PRPF8: variants seen among roughly 807,000 people sequenced by gnomAD.
PRPF8 encodes the protein pre-mRNA-processing-splicing factor 8.
PRPF8 carries 64 observed loss-of-function variants against 285.9 expected under a neutral mutation model. That is an observed-to-expected ratio of 0.22 (90% confidence interval 0.18 to 0.28). The LOEUF (loss-of-function observed/expected upper bound fraction) is 0.28, where lower values mean the gene tolerates loss of function less well. Ranked by LOEUF, PRPF8 falls within the 10% of genes least tolerant of loss-of-function variation. The pLI is 1.00. For missense variants in PRPF8, 1,426 were observed against 3,026.7 expected, an observed-to-expected ratio of 0.47 and a Z score of 12.41; for synonymous variants, 1,325 against 1,118.2, an observed-to-expected ratio of 1.18 and a Z score of -3.69.
rs1295214130 is a variant in PRPF8 at position 1,684,583 on chromosome 17, C to A, written c.-11-1G>T. ...AACACTCCGGCCATATCCGGAGAAT[C>A]TGGGGAGCGGCGGGATAGAAAAATT... On this transcript the variant is annotated splice_acceptor_variant, in intron 1 of 42. Transcript: ENST00000304992. LOFTEE classifies it low-confidence loss of function (5UTR_SPLICE). The A allele has an allele frequency of 6.2e-7, 1 of 1,612,118 alleles. No individual in the cohort carries two copies. Among genetic ancestry groups the A allele is most frequent in the Non-Finnish European group, 8.5e-7 (1 of 1,179,710 alleles).
At position 1,655,556 on chromosome 17, in the gene PRPF8, T is replaced by A. The variant is rs750212187; in HGVS notation, c.5794-13A>T. ...GACGGGAGAAGGCCTGGGAAAAGAT[T>A]TGGAAGAGTGGGGTAGGTCAGCTGC... On this transcript the variant is annotated splice_polypyrimidine_tract_variant and intron_variant, in intron 36 of 42. Transcript: ENST00000304992. The A allele has an allele frequency of 1.2e-6, 2 of 1,603,824 alleles. No individual in the cohort carries two copies. Among genetic ancestry groups the A allele is most frequent in the Non-Finnish European group, 8.5e-7 (1 of 1,170,650 alleles).
intron 13 of PRPF8, chr17:1,678,298 G>A (rs1426627147): frequency 3.6e-6 from 2 of 562,958 alleles, no homozygotes; most frequent in African/African-American, 1.9e-5. Context: ...TGGGGCAACA[G>A]AGAAAGACTC....
Position 1,651,378 on chromosome 17 carries a change from C to T in PRPF8, c.6650+36G>A, listed in dbSNP as rs1291755979. On this transcript the variant is annotated intron_variant, in intron 41 of 42. Transcript: ENST00000304992. This position sits in a 1 kb window ranked among gnomAD's most constrained non-coding sequence, Gnocchi z 5.1. Reference sequence around the variant, plus strand: ...TCTGGGCCCTGGCCTGCAATCCCTGCCCCACCATACTTCCTCCCAAGGAGC... The same window carrying T: ...TCTGGGCCCTGGCCTGCAATCCCTGTCCCACCATACTTCCTCCCAAGGAGC... 1.9e-6 allele frequency: 3 copies of T among 1,613,942 alleles called. No individual in the cohort carries two copies. Among genetic ancestry groups the T allele is most frequent in the Non-Finnish European group, 2.5e-6 (3 of 1,180,008 alleles).
chr17:1,651,604 G>C lies in PRPF8; in HGVS notation c.6510+44C>G, dbSNP rs375103607. On this transcript the variant is annotated intron_variant, in intron 40 of 42. Coordinates refer to ENST00000304992, the MANE Select transcript of PRPF8 (RefSeq NM_006445.4). The surrounding 1 kb of genome is among the most constrained non-coding windows in gnomAD (Gnocchi z 5.1). The stretch of plus-strand genomic sequence containing the variant: ...TGAATCCCATCCACAGACAGGAATC[G>C]CACCAGCTTTTCCACACTCCCAGGC... 9.3e-6 allele frequency: 15 copies of C among 1,613,990 alleles called. No individual in the cohort carries two copies. The highest frequency in any genetic ancestry group is 1.3e-5 in the African/African-American group (1 of 74,988).
Position 1,659,781 on chromosome 17 carries a change from T to C in PRPF8, c.4946+60A>G, listed in dbSNP as rs772349552. ...AGGACAATTCCTAAAGTTGCAGGGC[T>C]AGAAGAACAGGAAAACGAAAGTGTC... On this transcript the variant is annotated intron_variant, in intron 31 of 42. Transcript: ENST00000304992. This position sits in a 1 kb window ranked among gnomAD's most constrained non-coding sequence, Gnocchi z 5.1. 14 of 1,586,132 alleles carry C rather than the reference T, an allele frequency of 8.8e-6. No individual in the cohort carries two copies. Among genetic ancestry groups the C allele is most frequent in the Admixed American group, 3.4e-5 (2 of 59,250 alleles).
Position 1,661,822 on chromosome 17 carries a change from A to G in PRPF8, c.4023-32T>C, listed in dbSNP as rs757962163. 6.2e-6 allele frequency: 10 copies of G among 1,614,038 alleles called. No individual in the cohort carries two copies. The Admixed American group carries it at 1.5e-4, about 24-fold the overall frequency. On this transcript the variant is annotated intron_variant, in intron 25 of 42. Transcript: ENST00000304992. This position sits in a 1 kb window ranked among gnomAD's most constrained non-coding sequence, Gnocchi z 7.3. ...GGGTGTACAACCAAGATTACAGAAA[A>G]AATAAAGCCTAAAACTAAAGAAATA...
chr17:1,658,916 AC>A lies in PRPF8; in HGVS notation c.5139-154del. On this transcript the variant is annotated intron_variant, in intron 32 of 42. Coordinates refer to ENST00000304992, the MANE Select transcript of PRPF8 (RefSeq NM_006445.4). This position sits in a 1 kb window ranked among gnomAD's most constrained non-coding sequence, Gnocchi z 4.1. The stretch of plus-strand genomic sequence containing the variant: ...TACAGGCTGGAGAAGAGAATCAGTG[AC>A]CCATAGGAGGAATGGGCCACTTCCT... 1.3e-6 allele frequency: 1 copy of A among 756,826 alleles called. No homozygotes were observed. Among genetic ancestry groups the A allele is most frequent in the Non-Finnish European group, 2.3e-6 (1 of 427,150 alleles). The allele number at this position is 756,826 out of a possible 1,614,324, so 46.9% of individuals were successfully genotyped here.
Position 1,661,668 on chromosome 17 carries a change from G to C in PRPF8, c.4145C>G (p.Ser1382Cys). Residue 1382 changes from serine to cysteine, a missense_variant, in exon 26 of 43, where the codon TCT becomes TGT. Physicochemically the swap from Ser to Cys is moderately radical, Grantham distance 112 (BLOSUM62 -1). Coordinates refer to ENST00000304992, the MANE Select transcript of PRPF8 (RefSeq NM_006445.4). The surrounding 1 kb of genome is among the most constrained non-coding windows in gnomAD (Gnocchi z 7.3). ...IQPWESEFID[S>C]QRVWAEYALK... The stretch of plus-strand genomic sequence containing the variant: ...TGCGTACTCAGCCCAGACCCGCTGA[G>C]AATCAATGAACTCGCTCTCCCATGG... 6.2e-7 allele frequency: 1 copy of C among 1,614,084 alleles called. No homozygotes were observed. The highest frequency in any genetic ancestry group is 8.5e-7 in the Non-Finnish European group (1 of 1,180,024).
Position 1,658,437 on chromosome 17 carries a change from T to C in PRPF8, c.5377-56A>G. 5.0e-6 allele frequency: 8 copies of C among 1,614,184 alleles called. No homozygotes were observed. The highest frequency in any genetic ancestry group is 6.8e-6 in the Non-Finnish European group (8 of 1,180,022). On this transcript the variant is annotated intron_variant, in intron 33 of 42. Coordinates refer to ENST00000304992, the MANE Select transcript of PRPF8 (RefSeq NM_006445.4). The surrounding 1 kb of genome is among the most constrained non-coding windows in gnomAD (Gnocchi z 4.1). ...CTACACAACACATCCCCATCCTGCCTTCTTCCCAGCATGTGTACACACTTA... is the reference window on the plus strand; with the variant it reads ...CTACACAACACATCCCCATCCTGCCCTCTTCCCAGCATGTGTACACACTTA...
chr17:1,652,558 T>C (rs114767343), intron 39 of PRPF8, among the ~76,000 whole-genome samples: 2,089 of 152,232 alleles, frequency 0.014, 50 homozygotes, highest in African/African-American at 0.048. Context: ...ATCTTTTCTC[T>C]TTTTTGAAGC....
At chr17:1,671,708 G>T (rs368762159) in intron 24 of PRPF8, among the ~76,000 whole-genome samples, 5 of 151,960 alleles carry the variant, frequency 3.3e-5, no homozygotes, top group African/African-American at 1.2e-4. Context: ...AAACTTAGCC[G>T]GGCGTGGTGG....
chr17:1,683,497 A>G, intron 3 of PRPF8, 36 bp downstream of exon 3: 1 of 1,613,332 alleles, frequency 6.2e-7, no homozygotes, highest in Non-Finnish European at 8.5e-7. Flanking sequence ...GAAAAGGGCC[A>G]AATTCCAAAT....
Position 1,682,917 on chromosome 17 carries a change from G to A in PRPF8, c.269+616C>T, listed in dbSNP as rs553503423. ...CCCCAAACACAGAATTCAGGTCCCT[G>A]AGGAGCGACAGGCTGCCACTATGCA... On this transcript the variant is annotated intron_variant, in intron 3 of 42. Transcript: ENST00000304992. 8.4e-5 allele frequency: 15 copies of A among 178,888 alleles called. No individual in the cohort carries two copies. In the East Asian group the frequency reaches 1.7e-3, roughly 20 times the overall value. The allele number at this position is 178,888 out of a possible 1,614,324, so 11.1% of individuals were successfully genotyped here. A position where few individuals can be genotyped will look rare whatever the true frequency, so the allele number is the denominator to read the frequency against.
chr17:1,658,597 C>A lies in PRPF8; in HGVS notation c.5305G>T (p.Gly1769Cys). The change falls in exon 33 of 43, where the codon GGT becomes TGT. Residue 1769 changes from glycine (G) to cysteine (C), a missense_variant. Physicochemically the swap from Gly to Cys is radical, Grantham distance 159 (BLOSUM62 -3). Coordinates refer to ENST00000304992, the MANE Select transcript of PRPF8 (RefSeq NM_006445.4). The surrounding 1 kb of genome is among the most constrained non-coding windows in gnomAD (Gnocchi z 4.1). ...TEPYLSSQNY[G>C]ELFSNQIIWF... ...ATAATCTGGTTGGAGAAGAGCTCACCATAGTTCTGAGAAGACAAATAAGGC... is the reference window on the plus strand; with the variant it reads ...ATAATCTGGTTGGAGAAGAGCTCACAATAGTTCTGAGAAGACAAATAAGGC... The A allele has an allele frequency of 6.2e-7, 1 of 1,614,154 alleles. No homozygotes were observed.
chr17:1,654,612 C>A (rs1352199264), intron 37 of PRPF8: 1 of 179,898 alleles, frequency 5.6e-6, no homozygotes, highest in East Asian at 1.3e-4. Flanking sequence ...ATCTCTCTTC[C>A]TCGAGACTCT....
rs1911109619 is a variant in PRPF8 at position 1,652,098 on chromosome 17, A to T, written c.6370-310T>A. ...CACACATGCAGCTCAGTGTATTTTC[A>T]CAAGCTGAAAACATCTGGAAAACCA... is the stretch of plus-strand genomic sequence containing the variant. On this transcript the variant is annotated intron_variant, in intron 39 of 42. Transcript: ENST00000304992. 1.2e-5 allele frequency: 6 copies of T among 488,814 alleles called. No homozygotes were observed. In the South Asian group the frequency reaches 1.3e-4, roughly 11 times the overall value. The allele number at this position is 488,814 out of a possible 1,614,324, so 30.3% of individuals were successfully genotyped here.
At chr17:1,667,329 T>TA (rs1912048071) in intron 24 of PRPF8, among the ~76,000 whole-genome samples, 1 of 152,212 alleles carries the variant, frequency 6.6e-6, no homozygotes, top group Non-Finnish European at 1.5e-5. Flanking sequence ...AACAGTGCTC[T>TA]ATCCCTGAAG....
chr17:1,680,668 C>T (rs1912865236), intron 8 of PRPF8, 58 bp downstream of exon 8: 3 of 1,495,980 alleles, frequency 2.0e-6, no homozygotes, highest in South Asian at 1.1e-5. Flanking sequence ...GTAACATCAG[C>T]CAACCTCACG....
rs1912747733 is a variant in PRPF8 at position 1,678,749 on chromosome 17, T to C, written c.1719+13A>G. ...TCCTCACCCAGGCAGGGGTTGGGAATACCTAACCTTACCTGGAAGGCATCC... is the reference window on the plus strand; with the variant it reads ...TCCTCACCCAGGCAGGGGTTGGGAACACCTAACCTTACCTGGAAGGCATCC... On this transcript the variant is annotated intron_variant, in intron 12 of 42. Coordinates refer to ENST00000304992, the MANE Select transcript of PRPF8 (RefSeq NM_006445.4). 3 of 1,614,008 alleles carry C rather than the reference T, an allele frequency of 1.9e-6. No individual in the cohort carries two copies. Among genetic ancestry groups the C allele is most frequent in the East Asian group, 2.2e-5 (1 of 44,886 alleles).
Sources: allele counts gnomAD v4.1 joint callset (sites outside exome capture counted in the v4.1 genomes callset), GRCh38; gene constraint gnomAD v4.1.1; non-coding constraint Gnocchi (gnomAD v3.1); transcripts MANE v1.5; gene names NCBI Gene and HGNC (gene_info 2026-07-23, HGNC 2026-07-21).